CACNG7: variants seen among roughly 807,000 people sequenced by gnomAD.
The protein encoded by CACNG7 is voltage-dependent calcium channel gamma-7 subunit.
Under a neutral mutation model 26.3 loss-of-function variants are expected in CACNG7, and 9 were observed. The ratio of observed to expected loss-of-function variants is 0.34; its 90% CI spans 0.21 to 0.60. The LOEUF is 0.60. CACNG7 is among the 20% of genes least tolerant of loss of function. The pLI is 0.81. For synonymous variants in CACNG7, 170 were observed against 157.0 expected (o/e 1.08, Z -0.62); for missense variants, 297 against 380.4 (o/e 0.78, Z 1.82).
In CACNG7 at chr19:53,942,731, G is replaced by A. The variant is rs376216018; in HGVS notation, c.*438G>A. On this transcript the variant is annotated 3_prime_UTR_variant, in exon 6 of 6. Transcript: ENST00000391767. The surrounding 1 kb of genome is among the most constrained non-coding windows in gnomAD (Gnocchi z 5.9). ...GGTTCGGGCAGCCGTCGGGAATACC[G>A]ACCATCCTCTTCTCCCTTCTAACCT... 2.9e-5 allele frequency: 7 copies of A among 243,372 alleles called. No individual in the cohort carries two copies. In the East Asian group the frequency reaches 8.0e-4, roughly 28 times the overall value. The allele number at this position is 243,372 out of a possible 1,614,324, so 15.1% of individuals were successfully genotyped here.
At chr19:53,938,000 C>A (rs1568784548) in intron 4 of CACNG7, among the ~76,000 whole-genome samples, 1 of 152,016 alleles carries the variant, frequency 6.6e-6, no homozygotes, top group East Asian at 1.9e-4. Flanking sequence ...ATGGCAAGAC[C>A]AAAGGCCCTG....
intron 4 of CACNG7, among the ~76,000 whole-genome samples, chr19:53,932,968 C>T (rs116718566): frequency 0.011 from 1,718 of 151,228 alleles, 42 homozygotes; most frequent in African/African-American, 0.04. Flanking sequence ...CCATCACGCC[C>T]GGCTAATTTT....
intron 1 of CACNG7, among the ~76,000 whole-genome samples, chr19:53,911,484 A>G (rs1364754983): frequency 6.6e-6 from 1 of 152,118 alleles, no homozygotes; most frequent in East Asian, 1.9e-4. Flanking sequence ...CAGGTCCAGG[A>G]GCCTGCCTAG....
intron 4 of CACNG7, among the ~76,000 whole-genome samples, chr19:53,927,632 G>A (rs1599989904): frequency 6.6e-6 from 1 of 152,210 alleles, no homozygotes; most frequent in Admixed American, 6.5e-5. Flanking sequence ...GAGGTTAGGA[G>A]TTCGAGACCA....
intron 4 of CACNG7, among the ~76,000 whole-genome samples, chr19:53,924,784 T>C (rs977123628): frequency 2.2e-5 from 3 of 133,760 alleles, no homozygotes; most frequent in African/African-American, 8.9e-5. Context: ...ATTGGTGGAC[T>C]TGCCTAGTGC....
intron 4 of CACNG7, among the ~76,000 whole-genome samples, chr19:53,933,696 T>C (rs2069088248): frequency 6.8e-6 from 1 of 146,350 alleles, no homozygotes; most frequent in Non-Finnish European, 1.5e-5. Context: ...ACTTTATACA[T>C]AGGTGGTGCT....
At position 53,942,666 on chromosome 19, in the gene CACNG7, A is replaced by G; in HGVS notation, c.*373A>G. 1 of 847,004 alleles carries G rather than the reference A, an allele frequency of 1.2e-6. No individual in the cohort carries two copies. Among genetic ancestry groups the G allele is most frequent in the Non-Finnish European group, 1.5e-6 (1 of 672,828 alleles). The allele number at this position is 847,004 out of a possible 1,614,324, so 52.5% of individuals were successfully genotyped here. A position where few individuals can be genotyped will look rare whatever the true frequency, so the allele number is the denominator to read the frequency against. The stretch of plus-strand genomic sequence containing the variant: ...AGCGCCCAGCTCCCCAGAGCTCCCC[A>G]ACCTCGGACCTCACCGCAGGGGCGC... On this transcript the variant is annotated 3_prime_UTR_variant, in exon 6 of 6. Coordinates refer to ENST00000391767, the MANE Select transcript of CACNG7 (RefSeq NM_031896.5). This position sits in a 1 kb window ranked among gnomAD's most constrained non-coding sequence, Gnocchi z 5.9.
chr19:53,916,643 T>C (rs2068900558), intron 4 of CACNG7, among the ~76,000 whole-genome samples: 1 of 147,460 alleles, frequency 6.8e-6, no homozygotes, highest in African/African-American at 2.5e-5. Context: ...CATGTGCCAC[T>C]ACGCCCGGCT....
chr19:53,925,457 G>T (rs964683204), intron 4 of CACNG7, among the ~76,000 whole-genome samples: 1 of 145,438 alleles, frequency 6.9e-6, no homozygotes, highest in Non-Finnish European at 1.5e-5. Flanking sequence ...CTTGCCACAG[G>T]TATGGCCATT....
intron 4 of CACNG7, among the ~76,000 whole-genome samples, chr19:53,937,569 C>A (rs539915932): frequency 1.1e-5 from 1 of 90,378 alleles, no homozygotes; most frequent in Admixed American, 1.5e-4. Context: ...CTCCTCCCCC[C>A]TTCCCTTCCC....
chr19:53,916,581 C>T (rs189819848), intron 4 of CACNG7, among the ~76,000 whole-genome samples: 10 of 150,822 alleles, frequency 6.6e-5, no homozygotes, highest in African/African-American at 9.8e-5. Flanking sequence ...CTCTGCCTCC[C>T]GGGTTCAGAC....
At chr19:53,938,963 C>T (rs1238186985) in intron 4 of CACNG7, among the ~76,000 whole-genome samples, 1 of 147,480 alleles carries the variant, frequency 6.8e-6, no homozygotes, top group African/African-American at 2.5e-5. Context: ...CAAAACAAAA[C>T]AAAACAAAAA....
intron 4 of CACNG7, among the ~76,000 whole-genome samples, chr19:53,932,565 T>A (rs944085434): frequency 2.6e-5 from 4 of 152,150 alleles, no homozygotes; most frequent in African/African-American, 9.6e-5. Flanking sequence ...ATCTAGTTAA[T>A]GCTCACTCTT....
chr19:53,927,173 G>T (rs900121234), intron 4 of CACNG7, among the ~76,000 whole-genome samples: 2 of 151,976 alleles, frequency 1.3e-5, no homozygotes, highest in East Asian at 3.9e-4. Context: ...ACCCACCTTG[G>T]CCTCCCAAAG....
At position 53,935,634 on chromosome 19, in the gene CACNG7, C is replaced by CTTTTTTTTT. The variant is rs59884893; in HGVS notation, c.425-5821_425-5813dup. On this transcript the variant is annotated intron_variant, in intron 4 of 5. Transcript: ENST00000391767. ...CACCGCCCCCACCCTCCAATACTGT[C>CTTTTTTTTT]TTTTTTTTTTTTTTTTTTTTTTTGA... Among the ~76,000 whole-genome samples the CTTTTTTTTT allele has an allele frequency of 7.8e-3, 329 of 42,230 alleles. 17 individuals carry two copies. The highest frequency in any genetic ancestry group is 8.9e-3 in the East Asian group (9 of 1,012). 27.7% of individuals were successfully genotyped at this position (42,230 alleles called of 152,430 possible).
Position 53,942,260 on chromosome 19 carries a change from G to A in CACNG7, c.795G>A (p.Pro265=), listed in dbSNP as rs781713330. The change falls in exon 6 of 6, where the codon CCG becomes CCA. Residue 265 remains proline, a synonymous_variant. Transcript: ENST00000391767. The surrounding 1 kb of genome is among the most constrained non-coding windows in gnomAD (Gnocchi z 5.9). The stretch of plus-strand genomic sequence containing the variant: ...ACTACCCTCCCGCCATCAAGTACCC[G>A]GACCACCTGCACATCTCCACCTCGC... ...TQNYPPAIKY[P]DHLHISTSPC The A allele has an allele frequency of 9.3e-6, 15 of 1,613,102 alleles. No individual in the cohort carries two copies. Among genetic ancestry groups the A allele is most frequent in the African/African-American group, 1.3e-5 (1 of 74,888 alleles).
chr19:53,925,500 C>T (rs76559680), intron 4 of CACNG7, among the ~76,000 whole-genome samples: 1 of 90,598 alleles, frequency 1.1e-5, no homozygotes, highest in Non-Finnish European at 2.0e-5. Flanking sequence ...CATTGGTGGA[C>T]TTGCCCCAGG....
chr19:53,938,587 A>G (rs1382368545), intron 4 of CACNG7, among the ~76,000 whole-genome samples: 1 of 152,174 alleles, frequency 6.6e-6, no homozygotes, highest in African/African-American at 2.4e-5. Context: ...TATGTAAACA[A>G]ATGGGTGTGG....
At chr19:53,921,448 C>T (rs566997054) in intron 4 of CACNG7, among the ~76,000 whole-genome samples, 183 of 151,306 alleles carry the variant, frequency 1.2e-3, no homozygotes, top group Non-Finnish European at 1.5e-3. Context: ...TGGAGTTGCC[C>T]CAGGTCTGGT....
Sources: allele counts gnomAD v4.1 joint callset (sites outside exome capture counted in the v4.1 genomes callset), GRCh38; gene constraint gnomAD v4.1.1; non-coding constraint Gnocchi (gnomAD v3.1); transcripts MANE v1.5; gene names NCBI Gene and HGNC (gene_info 2026-07-23, HGNC 2026-07-21).